PITPNC1: variants seen among roughly 807,000 people sequenced by gnomAD.
PITPNC1 encodes cytoplasmic phosphatidylinositol transfer protein 1.
A neutral mutation model predicts 44.7 loss-of-function variants in PITPNC1; 18 were observed. The observed-to-expected ratio is 0.40, with a 90% CI of 0.28 to 0.60. The LOEUF (loss-of-function observed/expected upper bound fraction) is 0.60. PITPNC1 is among the 20% of genes least tolerant of loss of function. The probability of loss-of-function intolerance (pLI) is 0.39; values close to 1 mark genes in which losing one functional copy is unlikely to be tolerated. For synonymous variants in PITPNC1, 141 were observed against 149.6 expected (o/e 0.94, Z 0.42); for missense variants, 290 against 418.4 (o/e 0.69, Z 2.68).
intron 8 of PITPNC1, among the ~76,000 whole-genome samples, chr17:67,679,206 A>T (rs1020455012): frequency 2.0e-5 from 3 of 152,256 alleles, no homozygotes; most frequent in Non-Finnish European, 2.9e-5. Flanking sequence ...AGCTGTCTGC[A>T]GGGCCAACCA....
intron 1 of PITPNC1, among the ~76,000 whole-genome samples, chr17:67,450,691 T>G (rs1346439288): frequency 6.6e-6 from 1 of 152,128 alleles, no homozygotes; most frequent in Non-Finnish European, 1.5e-5. Flanking sequence ...ACTCCCAGAG[T>G]GCTGGGAAGG....
intron 4 of PITPNC1, among the ~76,000 whole-genome samples, chr17:67,577,359 G>A (rs2041163851): frequency 6.6e-6 from 1 of 151,950 alleles, no homozygotes; most frequent in Non-Finnish European, 1.5e-5. Context: ...AGGCCAAGGT[G>A]GGCAGATCTT....
At chr17:67,605,871 T>C (rs971404729) in intron 5 of PITPNC1, among the ~76,000 whole-genome samples, 1 of 152,196 alleles carries the variant, frequency 6.6e-6, no homozygotes, top group Non-Finnish European at 1.5e-5. Flanking sequence ...CTGAGTATTA[T>C]CTCAGTTAAT....
chr17:67,569,952 G>A (rs1055199982), intron 4 of PITPNC1, among the ~76,000 whole-genome samples: 4 of 152,200 alleles, frequency 2.6e-5, no homozygotes, highest in Middle Eastern at 3.2e-3. Flanking sequence ...CCTGGAGTGA[G>A]CCCAGAGGAG....
intron 1 of PITPNC1, among the ~76,000 whole-genome samples, chr17:67,466,197 TGGGGGGGTG>T (rs1387399367): frequency 1.7e-5 from 1 of 59,146 alleles, no homozygotes; most frequent in Non-Finnish European, 3.6e-5. Flanking sequence ...GATGGTGGGG[TGGGGGGGTG>T]GGGGGGGGCG....
intron 8 of PITPNC1, among the ~76,000 whole-genome samples, chr17:67,690,345 G>A (rs1483520494): frequency 6.6e-6 from 1 of 151,802 alleles, no homozygotes; most frequent in Non-Finnish European, 1.5e-5. Flanking sequence ...CTACTCGGGA[G>A]GCTGAGGCAG....
At chr17:67,505,461 A>T (rs903146785) in intron 1 of PITPNC1, among the ~76,000 whole-genome samples, 32 of 152,212 alleles carry the variant, frequency 2.1e-4, no homozygotes, top group Non-Finnish European at 3.7e-4. Context: ...TTTGATCATT[A>T]TAAAATGTCC....
chr17:67,408,683 TTCCTTCCTTCCTTCCTTC>T (rs1567978331), intron 1 of PITPNC1: 28 of 29,158 alleles, frequency 9.6e-4, no homozygotes, highest in African/African-American at 2.0e-3. Context: ...TCTTTCTTCC[TTCCTTCCTTCCTTCCTTC>T]CTTCCTTCCT....
intron 1 of PITPNC1, among the ~76,000 whole-genome samples, chr17:67,514,687 A>C (rs1264570697): frequency 2.0e-5 from 3 of 152,062 alleles, no homozygotes; most frequent in African/African-American, 7.2e-5. Flanking sequence ...ATAGCCCAGC[A>C]TGGTGGCATG....
chr17:67,610,059 G>A (rs971727032), intron 5 of PITPNC1, among the ~76,000 whole-genome samples: 38 of 152,186 alleles, frequency 2.5e-4, no homozygotes, highest in Admixed American at 2.0e-3. Flanking sequence ...TCTGTCGCCC[G>A]GCCACTACTT....
chr17:67,495,040 G>GGTTTTTTTTT (rs2039926593), intron 1 of PITPNC1, among the ~76,000 whole-genome samples: 2 of 64,704 alleles, frequency 3.1e-5, no homozygotes, highest in Non-Finnish European at 5.4e-5. Flanking sequence ...CCATGGAGTT[G>GGTTTTTTTTT]TTTTTTTTTT....
intron 1 of PITPNC1, chr17:67,457,704 G>C (rs1212432804): frequency 6.6e-6 from 1 of 152,148 alleles, no homozygotes; most frequent in African/African-American, 2.4e-5. Context: ...TGTTCTTTAG[G>C]CTTCCTCTTT....
intron 1 of PITPNC1, among the ~76,000 whole-genome samples, chr17:67,393,926 G>A (rs938002270): frequency 1.3e-5 from 2 of 152,028 alleles, no homozygotes; most frequent in Non-Finnish European, 2.9e-5. Flanking sequence ...TAAGTTAACC[G>A]TGTAACATTT....
chr17:67,564,378 G>C (rs2040947198), intron 4 of PITPNC1, among the ~76,000 whole-genome samples: 1 of 151,968 alleles, frequency 6.6e-6, no homozygotes, highest in Non-Finnish European at 1.5e-5. Flanking sequence ...AGGCTGAGGA[G>C]CCTGGAGTCG....
chr17:67,503,161 A>G (rs1387906379), intron 1 of PITPNC1, among the ~76,000 whole-genome samples: 1 of 152,150 alleles, frequency 6.6e-6, no homozygotes, highest in African/African-American at 2.4e-5. Flanking sequence ...AGTTTTAGAA[A>G]ATAAAGTTAC....
At chr17:67,595,149 T>C (rs2041443685) in intron 5 of PITPNC1, among the ~76,000 whole-genome samples, 1 of 152,218 alleles carries the variant, frequency 6.6e-6, no homozygotes, top group Non-Finnish European at 1.5e-5. Context: ...TGCATTTCAG[T>C]ACTGAATAGT....
rs755319159 is a variant in PITPNC1 at position 67,578,293 on chromosome 17, G to T, written c.366+36G>T. 8 of 1,436,410 alleles carry T rather than the reference G, an allele frequency of 5.6e-6. No homozygotes were observed. The East Asian group carries it at 1.4e-4, about 24-fold the overall frequency. The allele number at this position is 1,436,410 out of a possible 1,614,324, so 89.0% of individuals were successfully genotyped here. On this transcript the variant is annotated intron_variant, in intron 5 of 8. Coordinates refer to ENST00000581322, the MANE Select transcript of PITPNC1 (RefSeq NM_012417.4). ...CCTCCTTCCATGCTGCGCTCGCCTC[G>T]TGGGCTCTGAATATCACAGCACTTC...
intron 5 of PITPNC1, among the ~76,000 whole-genome samples, chr17:67,601,162 A>G (rs1021866544): frequency 1.3e-5 from 2 of 152,160 alleles, no homozygotes; most frequent in Admixed American, 6.5e-5. Flanking sequence ...TTAAAAATAA[A>G]TCTATACCTG....
At chr17:67,662,386 G>A (rs771108240) in intron 6 of PITPNC1, among the ~76,000 whole-genome samples, 3 of 152,080 alleles carry the variant, frequency 2.0e-5, no homozygotes, top group East Asian at 1.9e-4. Context: ...CCCAGGAGGC[G>A]GAGGTTGCAG....
Sources: allele counts gnomAD v4.1 joint callset (sites outside exome capture counted in the v4.1 genomes callset), GRCh38; gene constraint gnomAD v4.1.1; transcripts MANE v1.5; gene names NCBI Gene and HGNC (gene_info 2026-07-23, HGNC 2026-07-21).